Variants in RAB38 observed in about 807,000 individuals in gnomAD.
The protein encoded by RAB38 is ras-related protein Rab-38.
RAB38 carries 15 observed loss-of-function variants against 18.4 expected under a neutral mutation model. The observed-to-expected ratio is 0.82, with a 90% CI of 0.55 to 1.26. The LOEUF is 1.26. RAB38 is among the 50% of genes most tolerant of loss of function. The pLI, the probability that RAB38 is intolerant of heterozygous loss-of-function variation, is 0.00. For missense variants in RAB38, 294 were observed against 267.4 expected (o/e 1.10, Z -0.69); for synonymous variants, 101 against 104.4 (o/e 0.97, Z 0.20).
At chr11:87,967,890 G>A in the RAB38 span, among the ~76,000 whole-genome samples, 2 of 152,262 alleles carry the variant, frequency 1.3e-5, no homozygotes, top group African/African-American at 4.8e-5. Flanking sequence ...AGGAGGGTTG[G>A]GGATGGCATG....
chr11:88,061,523 A>C, the RAB38 span, among the ~76,000 whole-genome samples: 2 of 152,252 alleles, frequency 1.3e-5, no homozygotes, highest in Non-Finnish European at 2.9e-5. Context: ...ATCAAATTGC[A>C]ATATGTATTT....
chr11:87,933,861 A>G, the RAB38 span, among the ~76,000 whole-genome samples: 2 of 152,152 alleles, frequency 1.3e-5, no homozygotes, highest in Non-Finnish European at 2.9e-5. Flanking sequence ...TTGAGAAGCA[A>G]CAACTTAAGA....
the RAB38 span, among the ~76,000 whole-genome samples, chr11:87,954,239 A>T: frequency 1.3e-5 from 2 of 152,274 alleles, no homozygotes; most frequent in East Asian, 3.9e-4. Flanking sequence ...AGGACGATGC[A>T]TCCACCCTGC....
chr11:87,945,407 T>C, the RAB38 span, among the ~76,000 whole-genome samples: 3 of 152,158 alleles, frequency 2.0e-5, no homozygotes, highest in African/African-American at 7.2e-5. Flanking sequence ...TTAAAGCAAT[T>C]CAGATTTTAC....
chr11:87,894,552 A>G, the RAB38 span, among the ~76,000 whole-genome samples: 18 of 151,676 alleles, frequency 1.2e-4, no homozygotes, highest in East Asian at 3.3e-3. Context: ...TCATCTGAAC[A>G]TATGTAATCC....
the RAB38 span, among the ~76,000 whole-genome samples, chr11:87,876,079 C>G: frequency 6.6e-6 from 1 of 151,514 alleles, no homozygotes. Flanking sequence ...TCTCCAAACT[C>G]TACGTTTAAT....
At chr11:87,842,910 G>T in the RAB38 span, among the ~76,000 whole-genome samples, 15 of 152,126 alleles carry the variant, frequency 9.9e-5, no homozygotes, top group Admixed American at 5.9e-4. Flanking sequence ...TGTGAAATTT[G>T]TCTCAATGAG....
the RAB38 span, among the ~76,000 whole-genome samples, chr11:87,916,638 C>T: frequency 1.3e-5 from 2 of 152,076 alleles, no homozygotes; most frequent in Admixed American, 1.3e-4. Flanking sequence ...GTTACCCAGT[C>T]TCAAGTATTC....
At chr11:87,915,469 C>T in the RAB38 span, among the ~76,000 whole-genome samples, 2 of 152,072 alleles carry the variant, frequency 1.3e-5, no homozygotes. Context: ...AAATTGTAAT[C>T]CATTAGCATG....
chr11:88,143,460 C>A (rs895675581), intron 2 of RAB38, among the ~76,000 whole-genome samples: 1 of 152,188 alleles, frequency 6.6e-6, no homozygotes, highest in Admixed American at 6.5e-5. Flanking sequence ...ATGAGCACAG[C>A]TGAGTTCCAA....
the RAB38 span, among the ~76,000 whole-genome samples, chr11:87,870,528 G>C: frequency 4.0e-5 from 6 of 151,234 alleles, no homozygotes; most frequent in Admixed American, 2.6e-4. Context: ...TCCTTACTGT[G>C]GCCTTTGGCT....
chr11:88,006,314 C>T, the RAB38 span, among the ~76,000 whole-genome samples: 10 of 151,424 alleles, frequency 6.6e-5, no homozygotes, highest in Admixed American at 2.6e-4. Flanking sequence ...AATCCTTACA[C>T]GCTGATGGTG....
At chr11:87,834,310 G>A in the RAB38 span, among the ~76,000 whole-genome samples, 1 of 152,130 alleles carries the variant, frequency 6.6e-6, no homozygotes, top group Admixed American at 6.5e-5. Flanking sequence ...GCCTCCAGAA[G>A]AAAACACATC....
At chr11:88,128,038 T>C (rs1024730260) in intron 2 of RAB38, among the ~76,000 whole-genome samples, 1 of 152,186 alleles carries the variant, frequency 6.6e-6, no homozygotes, top group Non-Finnish European at 1.5e-5. Flanking sequence ...AATGAGCTGA[T>C]TCAAATTTAA....
chr11:88,156,350 G>A (rs2134837374), intron 1 of RAB38, among the ~76,000 whole-genome samples: 1 of 152,324 alleles, frequency 6.6e-6, no homozygotes, highest in South Asian at 2.1e-4. Context: ...AACTTTACAA[G>A]CCAGAAGAGA....
chr11:88,078,471 T>C, the RAB38 span, among the ~76,000 whole-genome samples: 2 of 138,910 alleles, frequency 1.4e-5, no homozygotes, highest in South Asian at 2.2e-4. Context: ...ATAAAGAAAA[T>C]ATCATGTATA....
chr11:87,871,203 T>C, the RAB38 span, among the ~76,000 whole-genome samples: 1 of 151,662 alleles, frequency 6.6e-6, no homozygotes, highest in Non-Finnish European at 1.5e-5. Context: ...TTGTATATTC[T>C]GATTGCCTCC....
chr11:88,110,331 A>G (rs1942456553), downstream of RAB38, among the ~76,000 whole-genome samples: 1 of 152,006 alleles, frequency 6.6e-6, no homozygotes, highest in Admixed American at 6.6e-5. Flanking sequence ...ATGAGAACAC[A>G]TGGACACAGA....
chr11:88,041,817 TC>T, the RAB38 span, among the ~76,000 whole-genome samples: 1 of 152,094 alleles, frequency 6.6e-6, no homozygotes, highest in Non-Finnish European at 1.5e-5. Flanking sequence ...ACTGCTGACT[TC>T]CCTCTGCGAC....
Sources: gnomAD v4.1 joint callset for allele counts (sites outside exome capture counted in the v4.1 genomes callset) on GRCh38, gnomAD v4.1.1 for gene constraint, MANE v1.5 for transcripts, NCBI Gene and HGNC (gene_info 2026-07-23, HGNC 2026-07-21) for gene names.